PDE3A: variants seen among roughly 807,000 people sequenced by gnomAD.
The protein encoded by PDE3A is phosphodiesterase 3A.
A neutral mutation model predicts 98.3 loss-of-function variants in PDE3A; 43 were observed. The observed-to-expected ratio is 0.44, with a 90% CI of 0.34 to 0.56. The LOEUF is 0.56. Ranked by LOEUF, PDE3A falls within the 20% of genes least tolerant of loss-of-function variation. The probability of loss-of-function intolerance (pLI) is 0.01; values close to 1 mark genes in which losing one functional copy is unlikely to be tolerated. For missense variants in PDE3A, 1,427 were observed against 1,440.7 expected, an observed-to-expected ratio of 0.99 and a Z score of 0.15; for synonymous variants, 663 against 567.9, an observed-to-expected ratio of 1.17 and a Z score of -2.38.
intron 9 of PDE3A, among the ~76,000 whole-genome samples, 182 bp from the exon 10 acceptor site, chr12:20,639,664 G>C (rs1944602151): frequency 6.6e-6 from 1 of 152,094 alleles, no homozygotes; most frequent in African/African-American, 2.4e-5. Context: ...TAAGTTCTCA[G>C]TTTCAATATA....
intron 5 of PDE3A, among the ~76,000 whole-genome samples, chr12:20,623,744 G>A (rs1312669139): frequency 6.9e-6 from 1 of 145,716 alleles, no homozygotes; most frequent in Non-Finnish European, 1.5e-5. Flanking sequence ...ATATATGATG[G>A]ATATATTCTA....
At chr12:20,544,093 T>C (rs1246763344) in intron 1 of PDE3A, among the ~76,000 whole-genome samples, 1 of 151,556 alleles carries the variant, frequency 6.6e-6, no homozygotes, top group African/African-American at 2.4e-5. Context: ...TCAAGACTCC[T>C]GTGGTGCCTT....
chr12:20,595,073 G>A (rs1366160280), intron 2 of PDE3A, among the ~76,000 whole-genome samples: 2 of 152,036 alleles, frequency 1.3e-5, no homozygotes, highest in African/African-American at 4.8e-5. Context: ...TAGCAATAAA[G>A]AGATGTTATT....
At chr12:20,414,249 A>G (rs1944383017) in intron 1 of PDE3A, among the ~76,000 whole-genome samples, 1 of 152,208 alleles carries the variant, frequency 6.6e-6, no homozygotes, top group African/African-American at 2.4e-5. Context: ...GACAAAATAT[A>G]TTGGGAGCTT....
Position 20,639,876 on chromosome 12 carries a change from C to T in PDE3A, c.2170C>T (p.Leu724Phe), listed in dbSNP as rs1221636373. 7 of 1,582,738 alleles carry T rather than the reference C, an allele frequency of 4.4e-6. No individual in the cohort carries two copies. The highest frequency in any genetic ancestry group is 6.1e-6 in the Non-Finnish European group (7 of 1,152,152). Reference protein sequence around the residue: ...VSYRLFEDMGLFEAFKIPIRE... With the variant: ...VSYRLFEDMGFFEAFKIPIRE... Reference sequence around the variant, plus strand: ...TTACAGACTTTTTGAAGACATGGGCCTCTTTGAAGCTTTTAAAATTCCAAT... The same window carrying T: ...TTACAGACTTTTTGAAGACATGGGCTTCTTTGAAGCTTTTAAAATTCCAAT... Residue 724 changes from leucine to phenylalanine, a missense_variant, in exon 10 of 16, where the codon CTC (leucine) becomes TTC (phenylalanine). This residue lies in a region of PDE3A where 273 missense variants were observed against 420.3 expected (regional missense o/e 0.65). Transcript: ENST00000359062.
chr12:20,438,850 C>G (rs1038424070), intron 1 of PDE3A, among the ~76,000 whole-genome samples: 1 of 151,840 alleles, frequency 6.6e-6, no homozygotes, highest in Non-Finnish European at 1.5e-5. Flanking sequence ...ACCTCCACTT[C>G]CCAGGTTCAA....
chr12:20,676,498 C>CA (rs1945642989), intron 15 of PDE3A, among the ~76,000 whole-genome samples: 2 of 109,218 alleles, frequency 1.8e-5, no homozygotes, highest in Non-Finnish European at 3.6e-5. Context: ...ATGTCTTTGA[C>CA]TTTTTTTTTT....
intron 8 of PDE3A, among the ~76,000 whole-genome samples, chr12:20,636,829 C>T (rs748954872): frequency 3.9e-5 from 6 of 152,110 alleles, no homozygotes; most frequent in Admixed American, 1.3e-4. Context: ...AAGAAACATC[C>T]GTGTTTTTGC....
intron 1 of PDE3A, among the ~76,000 whole-genome samples, chr12:20,447,174 TGA>T (rs1944971481): frequency 6.6e-6 from 1 of 152,126 alleles, no homozygotes; most frequent in Non-Finnish European, 1.5e-5. Context: ...GCCATCCGGA[TGA>T]GAGATAACAG....
rs189162413 is a variant in PDE3A at position 20,515,633 on chromosome 12, A to G, written c.961-41027A>G. On this transcript the variant is annotated intron_variant, in intron 1 of 15. Coordinates refer to ENST00000359062, the MANE Select transcript of PDE3A (RefSeq NM_000921.5). ...ACTGGACACGTGGAGTATTCTAACT[A>G]ATGCAGAAATCCGAAGCAGACTAGA... 2.7e-3 allele frequency among the ~76,000 whole-genome samples: 412 copies of G among 152,296 alleles called. 5 individuals are homozygous for G. In the Middle Eastern group the frequency reaches 0.041, roughly 15 times the overall value.
chr12:20,644,950 G>A (rs1333425123), intron 10 of PDE3A, among the ~76,000 whole-genome samples: 1 of 145,664 alleles, frequency 6.9e-6, no homozygotes, highest in African/African-American at 2.5e-5. Context: ...GTGCAGTGGC[G>A]CAGTCTCAGC....
chr12:20,456,618 G>A (rs1945156302), intron 1 of PDE3A, among the ~76,000 whole-genome samples: 1 of 152,038 alleles, frequency 6.6e-6, no homozygotes, highest in Admixed American at 6.6e-5. Context: ...TATTAATGTG[G>A]TAATAAAGAA....
intron 1 of PDE3A, among the ~76,000 whole-genome samples, chr12:20,547,602 C>G (rs984332800): frequency 1.3e-5 from 2 of 152,044 alleles, no homozygotes; most frequent in Non-Finnish European, 2.9e-5. Context: ...ACTGTGGTGA[C>G]TATTACTTTC....
Position 20,400,323 on chromosome 12 carries a change from T to C in PDE3A, c.960+30079T>C, listed in dbSNP as rs188567757. ...TAGCACAGCCAGACACTGATGAGGG[T>C]GGAGGTAGTAGCTGAGTCTTTTGTT... On this transcript the variant is annotated intron_variant, in intron 1 of 15. Coordinates refer to ENST00000359062, the MANE Select transcript of PDE3A (RefSeq NM_000921.5). Among the ~76,000 whole-genome samples the C allele has an allele frequency of 2.8e-3, 419 of 147,842 alleles. 3 individuals are homozygous for C. The highest frequency in any genetic ancestry group is 4.7e-3 in the Non-Finnish European group (317 of 67,532).
chr12:20,627,588 G>A, intron 5 of PDE3A, among the ~76,000 whole-genome samples: 1 of 150,632 alleles, frequency 6.6e-6, no homozygotes, highest in East Asian at 2.0e-4. Context: ...CCCAGCCAGA[G>A]AGGCCTTCTC....
chr12:20,575,858 TG>T (rs889233591), intron 2 of PDE3A, among the ~76,000 whole-genome samples: 4 of 151,836 alleles, frequency 2.6e-5, no homozygotes, highest in Non-Finnish European at 5.9e-5. Context: ...TGCACCTGAT[TG>T]AAATAAGGGT....
At chr12:20,397,252 C>T (rs752080081) in intron 1 of PDE3A, among the ~76,000 whole-genome samples, 4 of 151,902 alleles carry the variant, frequency 2.6e-5, no homozygotes, top group Admixed American at 1.3e-4. Context: ...ATATGTCTCT[C>T]TATATGTCTT....
At chr12:20,413,485 C>T (rs565428287) in intron 1 of PDE3A, among the ~76,000 whole-genome samples, 4 of 152,166 alleles carry the variant, frequency 2.6e-5, no homozygotes, top group African/African-American at 9.6e-5. Flanking sequence ...GAACCCATGA[C>T]TGTATTTCTC....
At chr12:20,622,658 G>A (rs1431860465) in intron 5 of PDE3A, among the ~76,000 whole-genome samples, 1 of 152,086 alleles carries the variant, frequency 6.6e-6, no homozygotes, top group Non-Finnish European at 1.5e-5. Flanking sequence ...ATTCCTGAAG[G>A]CAAATACGGA....
Sources: gnomAD v4.1 joint callset for allele counts (sites outside exome capture counted in the v4.1 genomes callset) on GRCh38, gnomAD v4.1.1 for gene constraint, gnomAD v4.1.1 regional missense constraint, MANE v1.5 for transcripts, NCBI Gene and HGNC (gene_info 2026-07-23, HGNC 2026-07-21) for gene names.